AGAP1: variants seen among roughly 807,000 people sequenced by gnomAD.
AGAP1 encodes the protein arf-GAP with GTPase, ANK repeat and PH domain-containing protein 1.
A neutral mutation model predicts 105.3 loss-of-function variants in AGAP1; 29 were observed. The ratio of observed to expected loss-of-function variants is 0.28; its 90% confidence interval spans 0.21 to 0.38. The LOEUF (loss-of-function observed/expected upper bound fraction) is 0.38, where lower values mean the gene tolerates loss of function less well. AGAP1 is among the 10% of genes least tolerant of loss of function. The pLI is 1.00. For missense variants in AGAP1, 998 were observed against 1,165.1 expected (o/e 0.86, Z 2.09); for synonymous variants, 509 against 485.9 (o/e 1.05, Z -0.63).
chr2:236,017,488 C>T (rs1341863746), intron 13 of AGAP1, among the ~76,000 whole-genome samples: 1 of 151,956 alleles, frequency 6.6e-6, no homozygotes, highest in East Asian at 1.9e-4. Flanking sequence ...CTAAATATAT[C>T]CATCCCCAAG....
Position 236,126,790 on chromosome 2 carries a change from TG to T in AGAP1, c.*2669del, listed in dbSNP as rs1351008499. ...CGAAAAAAAGAAGACGGGGCAGCTT[TG>T]CCCAGAGCTCGTTGGCAGTCTGTTT... is the stretch of plus-strand genomic sequence containing the variant. On this transcript the variant is annotated 3_prime_UTR_variant, in exon 18 of 18. Coordinates refer to ENST00000304032, the MANE Select transcript of AGAP1 (RefSeq NM_001037131.3). 1 of 152,212 alleles carries T rather than the reference TG, an allele frequency of 6.6e-6. No homozygotes were observed. Among genetic ancestry groups the T allele is most frequent in the Non-Finnish European group, 1.5e-5 (1 of 68,050 alleles). The allele number at this position is 152,212 out of a possible 1,614,324, so 9.4% of individuals were successfully genotyped here. A position where few individuals can be genotyped will look rare whatever the true frequency, so the allele number is the denominator to read the frequency against.
At chr2:235,593,082 G>GA (rs1945405331) in intron 1 of AGAP1, among the ~76,000 whole-genome samples, 1 of 152,130 alleles carries the variant, frequency 6.6e-6, no homozygotes, top group African/African-American at 2.4e-5. Context: ...CGGAAGTGAG[G>GA]GAGAGGGGAG....
rs1188956451 is a variant in AGAP1, at chr2:235,855,909, C to CATT, written c.1051-27423_1051-27421dup. Among the ~76,000 whole-genome samples, 1 of 151,882 alleles carries CATT rather than the reference C, an allele frequency of 6.6e-6. No homozygotes were observed. Among genetic ancestry groups the CATT allele is most frequent in the African/African-American group, 2.4e-5 (1 of 41,296 alleles). On this transcript the variant is annotated intron_variant, in intron 9 of 17. Transcript: ENST00000304032. This position sits in a 1 kb window ranked among gnomAD's most constrained non-coding sequence, Gnocchi z 5.0. The stretch of plus-strand genomic sequence containing the variant: ...GAAGTACTGAGAATATTATTATTAT[C>CATT]ATTATTATTATTATTTTCTTTTGAG...
rs2054470336 is a variant in AGAP1 at position 235,967,781 on chromosome 2, A to G, written c.1484-681A>G. 6.6e-6 allele frequency among the ~76,000 whole-genome samples: 1 copy of G among 152,194 alleles called. No individual in the cohort carries two copies. Among genetic ancestry groups the G allele is most frequent in the Admixed American group, 6.5e-5 (1 of 15,286 alleles). ...TTCTCTTTGATAAAGATACAAATGGACATAATACATTGAGAGTTTCACTTA... is the reference window on the plus strand; with the variant it reads ...TTCTCTTTGATAAAGATACAAATGGGCATAATACATTGAGAGTTTCACTTA... On this transcript the variant is annotated intron_variant, in intron 12 of 17. Coordinates refer to ENST00000304032, the MANE Select transcript of AGAP1 (RefSeq NM_001037131.3). The surrounding 1 kb of genome is among the most constrained non-coding windows in gnomAD (Gnocchi z 4.7).
chr2:235,617,950 T>C (rs1946361077), intron 1 of AGAP1, among the ~76,000 whole-genome samples: 1 of 152,078 alleles, frequency 6.6e-6, no homozygotes, highest in African/African-American at 2.4e-5. Context: ...CTTGTGGTGC[T>C]GTGGGTTTGT....
intron 16 of AGAP1, among the ~76,000 whole-genome samples, chr2:236,057,634 C>A (rs1354985357): frequency 6.6e-6 from 1 of 152,092 alleles, no homozygotes; most frequent in East Asian, 1.9e-4. Flanking sequence ...AATATAAAGC[C>A]TGTATTGCAG....
Position 235,686,636 on chromosome 2 carries a change from TATATATATAGATATATATATATATATATA to T in AGAP1, c.164-22542_164-22514del, listed in dbSNP as rs367994321. 4.3e-3 allele frequency among the ~76,000 whole-genome samples: 221 copies of T among 50,918 alleles called. 4 individuals are homozygous for T. The highest frequency in any genetic ancestry group is 0.02 in the South Asian group (32 of 1,584). 33.4% of individuals were successfully genotyped at this position (50,918 alleles called of 152,430 possible). ...GGAGATATAGATATATATATATATA[TATATATATAGATATATATATATATATATA>T]TTTTTTTTTTTTTTTAGACAGAGTC... is the stretch of plus-strand genomic sequence containing the variant. On this transcript the variant is annotated intron_variant, in intron 1 of 17. Transcript: ENST00000304032.
At chr2:235,567,020 G>A (rs376008219) in intron 1 of AGAP1, among the ~76,000 whole-genome samples, 10 of 152,208 alleles carry the variant, frequency 6.6e-5, no homozygotes, top group Middle Eastern at 3.4e-3. Flanking sequence ...CCCTCTTCCC[G>A]GCATGTGTCT....
At chr2:236,031,964 G>T (rs767808034) in intron 13 of AGAP1, among the ~76,000 whole-genome samples, 27 of 152,162 alleles carry the variant, frequency 1.8e-4, no homozygotes, top group Non-Finnish European at 3.4e-4. Flanking sequence ...GCCGTTCACT[G>T]CAGTCCTTCA....
intron 9 of AGAP1, among the ~76,000 whole-genome samples, chr2:235,818,845 A>T (rs1013703335): frequency 6.6e-6 from 1 of 152,240 alleles, no homozygotes; most frequent in African/African-American, 2.4e-5. Context: ...AAGTGCTGGG[A>T]TTACAGGCGT....
At chr2:235,529,258 A>G (rs1942963121) in intron 1 of AGAP1, among the ~76,000 whole-genome samples, 1 of 152,234 alleles carries the variant, frequency 6.6e-6, no homozygotes, top group South Asian at 2.1e-4. Context: ...GTCTTACAGT[A>G]TATGCTGGAG....
At chr2:235,939,915 A>T (rs1315759340) in intron 12 of AGAP1, among the ~76,000 whole-genome samples, 4 of 152,042 alleles carry the variant, frequency 2.6e-5, no homozygotes, top group Non-Finnish European at 5.9e-5. Flanking sequence ...CCATTCCTCT[A>T]GACTCAGAAG....
rs1165254895 is a variant in AGAP1 at position 235,662,185 on chromosome 2, A to G, written c.164-46994A>G. ...AGTGGCTGTAAGGCCGTGACCAGGA[A>G]AAAAGGGACCCAGGGTGGTGGCACA... is the stretch of plus-strand genomic sequence containing the variant. On this transcript the variant is annotated intron_variant, in intron 1 of 17. Transcript: ENST00000304032. This position sits in a 1 kb window ranked among gnomAD's most constrained non-coding sequence, Gnocchi z 4.2. Among the ~76,000 whole-genome samples, 1 of 152,184 alleles carries G rather than the reference A, an allele frequency of 6.6e-6. No individual in the cohort carries two copies. Among genetic ancestry groups the G allele is most frequent in the Non-Finnish European group, 1.5e-5 (1 of 68,044 alleles).
intron 12 of AGAP1, among the ~76,000 whole-genome samples, chr2:235,946,695 T>C (rs1232522733): frequency 6.6e-6 from 1 of 152,186 alleles, no homozygotes; most frequent in Non-Finnish European, 1.5e-5. Flanking sequence ...GGGCAGCCAT[T>C]CAAGTGCTGC....
intron 12 of AGAP1, among the ~76,000 whole-genome samples, chr2:235,933,889 G>A (rs376803307): frequency 8.1e-4 from 124 of 152,308 alleles, no homozygotes; most frequent in South Asian, 3.5e-3. Context: ...GACAATAATC[G>A]TAATAATAAG....
At chr2:235,791,989 CAT>C (rs1199024538) in intron 6 of AGAP1, among the ~76,000 whole-genome samples, 2 of 152,174 alleles carry the variant, frequency 1.3e-5, no homozygotes, top group Non-Finnish European at 1.5e-5. Context: ...TGTTTAGTCT[CAT>C]GTGAATTTCA....
In AGAP1 at chr2:235,635,883, G is replaced by A. The variant is rs1440008300; in HGVS notation, c.164-73296G>A. Among the ~76,000 whole-genome samples, 3 of 152,108 alleles carry A rather than the reference G, an allele frequency of 2.0e-5. No homozygotes were observed. The highest frequency in any genetic ancestry group is 2.9e-5 in the Non-Finnish European group (2 of 68,040). ...TAATCCCAGCACTTTGGGAGGCTGA[G>A]GCAGGTGGATCTTGAGGTCAGGAGT... On this transcript the variant is annotated intron_variant, in intron 1 of 17. Coordinates refer to ENST00000304032, the MANE Select transcript of AGAP1 (RefSeq NM_001037131.3). The surrounding 1 kb of genome is among the most constrained non-coding windows in gnomAD (Gnocchi z 5.3).
At chr2:235,501,902 C>T (rs924460682) in intron 1 of AGAP1, among the ~76,000 whole-genome samples, 7 of 152,186 alleles carry the variant, frequency 4.6e-5, no homozygotes, top group Admixed American at 6.5e-5. Context: ...TGCTTAGCTA[C>T]ATAATTCCTT....
In AGAP1 at chr2:235,620,207, A is replaced by T. The variant is rs2149269012; in HGVS notation, c.164-88972A>T. Among the ~76,000 whole-genome samples, 2 of 152,292 alleles carry T rather than the reference A, an allele frequency of 1.3e-5. No homozygotes were observed. Among genetic ancestry groups the T allele is most frequent in the Middle Eastern group, 3.4e-3 (1 of 294 alleles). On this transcript the variant is annotated intron_variant, in intron 1 of 17. Transcript: ENST00000304032. The surrounding 1 kb of genome is among the most constrained non-coding windows in gnomAD (Gnocchi z 4.5). ...AAATGCTGGGCTGTGCCTTCAAAGT[A>T]TATCCAGGATGCAGTGGCTTCCTGA...
Sources: allele counts gnomAD v4.1 joint callset (sites outside exome capture counted in the v4.1 genomes callset), GRCh38; gene constraint gnomAD v4.1.1; non-coding constraint Gnocchi (gnomAD v3.1); transcripts MANE v1.5; gene names NCBI Gene and HGNC (gene_info 2026-07-23, HGNC 2026-07-21).